The following TRAP1 variants were observed in gnomAD, a reference collection of about 807,000 sequenced individuals.
TRAP1 encodes TNF receptor associated protein 1.
In TRAP1, 102 loss-of-function variants were observed where a neutral mutation model predicts 89.1. The observed-to-expected ratio is 1.15, with a 90% confidence interval of 0.98 to 1.35. The LOEUF is 1.35. Among genes scored for constraint, TRAP1 ranks in the 40% most tolerant of loss-of-function variants. The pLI is 0.00. For synonymous variants in TRAP1, 508 were observed against 388.0 expected, an observed-to-expected ratio of 1.31 and a Z score of -3.64; for missense variants, 1,256 against 945.3, an observed-to-expected ratio of 1.33 and a Z score of -4.31.
At chr16:3,707,943 G>C (rs1202402836) in intron 1 of TRAP1, among the ~76,000 whole-genome samples, 1 of 152,028 alleles carries the variant, frequency 6.6e-6, no homozygotes, top group Admixed American at 6.6e-5. Flanking sequence ...CCAGTACTTT[G>C]GCAGGCAGAA....
At chr16:3,707,832 CAACA>C (rs2051470738) in intron 1 of TRAP1, among the ~76,000 whole-genome samples, 1 of 129,022 alleles carries the variant, frequency 7.8e-6, no homozygotes, top group Non-Finnish European at 1.6e-5. Flanking sequence ...CCAGCCTGGG[CAACA>C]GACAGAGCGA....
In TRAP1 at chr16:3,674,469, T is replaced by C; in HGVS notation, c.914A>G (p.Asp305Gly). ...LQAIWMMDPK[D>G]VREWQHEEFY... ...CTCCTCATGTTGCCACTCACGGACA[T>C]CCTTGGGGTCCATCATCCAGATGGC... The change falls in exon 9 of 18, where the codon GAT becomes GGT. Residue 305 changes from aspartate to glycine, a missense_variant. Coordinates refer to ENST00000246957, the MANE Select transcript of TRAP1 (RefSeq NM_016292.3). The C allele has an allele frequency of 1.2e-6, 2 of 1,613,922 alleles. No homozygotes were observed. The highest frequency in any genetic ancestry group is 3.3e-5 in the Admixed American group (2 of 59,996).
At chr16:3,671,301 A>G (rs139199636) in intron 11 of TRAP1, among the ~76,000 whole-genome samples, 1 of 152,358 alleles carries the variant, frequency 6.6e-6, no homozygotes, top group Non-Finnish European at 1.5e-5. Flanking sequence ...AAAAAAAGCC[A>G]GTAAGCGAGG....
intron 1 of TRAP1, among the ~76,000 whole-genome samples, chr16:3,715,032 G>C (rs950334885): frequency 2.0e-5 from 3 of 152,210 alleles, no homozygotes; most frequent in Non-Finnish European, 4.4e-5. Flanking sequence ...AAGGGCACCT[G>C]CCACGCAGAA....
intron 1 of TRAP1, among the ~76,000 whole-genome samples, chr16:3,715,063 A>G (rs1055167760): frequency 1.3e-5 from 2 of 152,206 alleles, no homozygotes; most frequent in African/African-American, 4.8e-5. Context: ...AACATGTTCC[A>G]TTTCTTAGAC....
At chr16:3,683,266 T>A (rs748982365) in intron 4 of TRAP1, among the ~76,000 whole-genome samples, 8 of 151,984 alleles carry the variant, frequency 5.3e-5, no homozygotes, top group Non-Finnish European at 1.0e-4. Flanking sequence ...AAATGTCATG[T>A]GGGATGCTGG....
chr16:3,664,239 GC>G (rs1390324957), intron 13 of TRAP1, 34 bp downstream of exon 13: 2 of 1,508,394 alleles, frequency 1.3e-6, no homozygotes, highest in Admixed American at 2.4e-5. Context: ...CCAGGTTGCA[GC>G]CCCCGGAGCC....
chr16:3,692,760 A>G (rs1432707299), intron 1 of TRAP1, among the ~76,000 whole-genome samples: 2 of 150,302 alleles, frequency 1.3e-5, no homozygotes, highest in African/African-American at 4.9e-5. Flanking sequence ...CACCACACCC[A>G]GCTAATTTTT....
chr16:3,706,092 G>A (rs1253170986), intron 1 of TRAP1, among the ~76,000 whole-genome samples: 3 of 150,588 alleles, frequency 2.0e-5, no homozygotes, highest in Non-Finnish European at 4.4e-5. Context: ...TGATTCTCCT[G>A]CTGAGGCACC....
At chr16:3,674,918 G>C (rs2050968108) in intron 8 of TRAP1, 2 of 328,828 alleles carry the variant, frequency 6.1e-6, no homozygotes, top group Non-Finnish European at 5.8e-6. Context: ...GGAACAGGCA[G>C]CACAATGGAC....
intron 17 of TRAP1, 134 bp from the exon 18 acceptor site, chr16:3,658,364 G>A (rs1325289424): frequency 2.1e-5 from 15 of 709,844 alleles, no homozygotes; most frequent in Non-Finnish European, 1.6e-5. Flanking sequence ...AACCTCAGGT[G>A]ATCCCCCCGC....
rs1227131755 is a variant in TRAP1, at chr16:3,717,509, G to T, written c.-1C>A. On this transcript the variant is annotated 5_prime_UTR_variant, in exon 1 of 18. Coordinates refer to ENST00000246957, the MANE Select transcript of TRAP1 (RefSeq NM_016292.3). ...GCAGCGCCCGCAGCTCGCGCGCCAT[G>T]TCGTACTCCCAGAGCGCCGCGCGCA... The T allele has an allele frequency of 9.6e-6, 13 of 1,358,380 alleles. No homozygotes were observed. In the East Asian group the frequency reaches 3.0e-4, roughly 31 times the overall value. The allele number at this position is 1,358,380 out of a possible 1,614,324, so 84.1% of individuals were successfully genotyped here.
At chr16:3,662,788 GAC>G (rs2043161717) in intron 15 of TRAP1, 92 bp downstream of exon 15, 1 of 1,181,738 alleles carries the variant, frequency 8.5e-7, no homozygotes. Flanking sequence ...CTGCTGGAAG[GAC>G]ACCCAACGGG....
intron 11 of TRAP1, among the ~76,000 whole-genome samples, chr16:3,668,843 G>A (rs1241060393): frequency 6.6e-6 from 1 of 152,198 alleles, no homozygotes; most frequent in East Asian, 1.9e-4. Flanking sequence ...ACGTGTTTAT[G>A]CAGGCTCAGC....
At chr16:3,660,061 A>G (rs997548553) in intron 16 of TRAP1, 2 of 152,184 alleles carry the variant, frequency 1.3e-5, no homozygotes, top group Non-Finnish European at 2.9e-5. Context: ...ACATCCTCAC[A>G]TTTCTAGTCT....
At position 3,679,707 on chromosome 16, in the gene TRAP1, C is replaced by T; in HGVS notation, c.543+12G>A. On this transcript the variant is annotated intron_variant, in intron 5 of 17. Coordinates refer to ENST00000246957, the MANE Select transcript of TRAP1 (RefSeq NM_016292.3). ...GGGGAAGGGGGAGGCTGTGTGGGGG[C>T]CCCACGCTTACCTTTGACCCCGATC... 1.2e-6 allele frequency: 2 copies of T among 1,613,920 alleles called. No individual in the cohort carries two copies. Among genetic ancestry groups the T allele is most frequent in the Non-Finnish European group, 1.7e-6 (2 of 1,179,926 alleles).
At chr16:3,659,359 G>A (rs1201662046) in intron 16 of TRAP1, 3 of 152,392 alleles carry the variant, frequency 2.0e-5, no homozygotes, top group Non-Finnish European at 2.9e-5. Context: ...GGGATGACTG[G>A]GAGCCATGCA....
intron 2 of TRAP1, among the ~76,000 whole-genome samples, chr16:3,690,338 TTAG>T (rs1283151823): frequency 1.3e-5 from 2 of 152,200 alleles, no homozygotes; most frequent in African/African-American, 4.8e-5. Flanking sequence ...TCCAAATTAA[TTAG>T]TTAGAAATCA....
At chr16:3,700,251 T>C (rs2051347503) in intron 1 of TRAP1, among the ~76,000 whole-genome samples, 1 of 151,472 alleles carries the variant, frequency 6.6e-6, no homozygotes, top group Admixed American at 6.6e-5. Flanking sequence ...CACCCCATCC[T>C]CCTCCTCCCG....
Sources: allele counts gnomAD v4.1 joint callset (sites outside exome capture counted in the v4.1 genomes callset), GRCh38; gene constraint gnomAD v4.1.1; transcripts MANE v1.5; gene names NCBI Gene and HGNC (gene_info 2026-07-23, HGNC 2026-07-21).